The following EYS variants were observed in gnomAD, a reference collection of about 807,000 sequenced individuals.
EYS encodes the protein EGF-like photoreceptor maintenance factor.
EYS carries 250 observed loss-of-function variants against 282.1 expected under a neutral mutation model. The observed-to-expected ratio is 0.89, with a 90% CI of 0.80 to 0.98. The LOEUF is 0.98. EYS is among the 50% of genes least tolerant of loss of function. EYS has a pLI of 0.00. For missense variants in EYS, 4,016 were observed against 3,709.0 expected (o/e 1.08, Z -2.15); for synonymous variants, 1,355 against 1,282.9 (o/e 1.06, Z -1.20).
At position 64,693,608 on chromosome 6, in the gene EYS, T is replaced by C. The variant is rs143883854; in HGVS notation, c.3444-67363A>G. Among the ~76,000 whole-genome samples, 11 of 152,224 alleles carry C rather than the reference T, an allele frequency of 7.2e-5. No individual in the cohort carries two copies. In the East Asian group the frequency reaches 1.9e-3, roughly 27 times the overall value. On this transcript the variant is annotated intron_variant, in intron 22 of 42. Coordinates refer to ENST00000503581, the MANE Select transcript of EYS (RefSeq NM_001142800.2). ...TCACTATGGAGGAAAAAATGAATTT[T>C]GAATCCTCACATCATAGGTAAAATT...
chr6:64,699,461 C>A (rs1412611491), intron 22 of EYS, among the ~76,000 whole-genome samples: 7 of 151,840 alleles, frequency 4.6e-5, no homozygotes, highest in Non-Finnish European at 8.8e-5. Flanking sequence ...TTCATATGTA[C>A]CCCCAAACTT....
chr6:64,313,908 A>G (rs1769828629), intron 29 of EYS, among the ~76,000 whole-genome samples: 3 of 152,140 alleles, frequency 2.0e-5, no homozygotes, highest in South Asian at 4.1e-4. Context: ...AGCCACTGCA[A>G]AAACATACCA....
intron 2 of EYS, among the ~76,000 whole-genome samples, chr6:65,536,724 G>A (rs1026451861): frequency 9.9e-5 from 15 of 151,992 alleles, no homozygotes; most frequent in Admixed American, 1.3e-4. Flanking sequence ...CCTCAACAAA[G>A]AAAAGGATAA....
chr6:64,605,677 C>A (rs1766906927), intron 24 of EYS, among the ~76,000 whole-genome samples: 1 of 151,662 alleles, frequency 6.6e-6, no homozygotes, highest in African/African-American at 2.4e-5. Context: ...ATATCTGATA[C>A]AGAACCCTGA....
chr6:65,705,431 A>G (rs1023918292), intron 1 of EYS, among the ~76,000 whole-genome samples: 10 of 152,100 alleles, frequency 6.6e-5, no homozygotes, highest in African/African-American at 2.4e-4. Context: ...TTATTGTTTT[A>G]AAGATGCTAC....
intron 32 of EYS, among the ~76,000 whole-genome samples, chr6:64,073,253 A>G (rs1255310422): frequency 6.6e-6 from 1 of 151,904 alleles, no homozygotes; most frequent in Non-Finnish European, 1.5e-5. Flanking sequence ...TATTTTTTAC[A>G]AAGGTCAAAG....
chr6:64,641,133 G>T (rs1391607261), intron 22 of EYS, among the ~76,000 whole-genome samples: 1 of 152,168 alleles, frequency 6.6e-6, no homozygotes, highest in Non-Finnish European at 1.5e-5. Context: ...ATTTACAAAA[G>T]AAACAGGTTT....
intron 14 of EYS, among the ~76,000 whole-genome samples, chr6:64,961,769 T>C (rs556500002): frequency 6.6e-6 from 1 of 152,146 alleles, no homozygotes; most frequent in Non-Finnish European, 1.5e-5. Flanking sequence ...TGAGTTGCAA[T>C]TCAGCTTCTG....
At chr6:64,775,374 A>T (rs1451168768) in intron 22 of EYS, among the ~76,000 whole-genome samples, 1 of 151,970 alleles carries the variant, frequency 6.6e-6, no homozygotes, top group African/African-American at 2.4e-5. Flanking sequence ...ATCCTGAGGC[A>T]ATAGGATAGA....
chr6:65,508,393 G>T (rs1394260152), intron 2 of EYS, among the ~76,000 whole-genome samples: 5 of 151,998 alleles, frequency 3.3e-5, no homozygotes, highest in Admixed American at 3.3e-4. Flanking sequence ...TGTTTCTTCT[G>T]CCAGGAGTGG....
rs773705317 is a variant in EYS, at chr6:65,059,582, T to C, written c.2024-1855A>G. On this transcript the variant is annotated intron_variant, in intron 12 of 42. Coordinates refer to ENST00000503581, the MANE Select transcript of EYS (RefSeq NM_001142800.2). ...AGAAAGATAGTCTTGGGTTCCTAAA[T>C]GAACAAGAGGCTTTTAAAGATATTT... Among the ~76,000 whole-genome samples the C allele has an allele frequency of 6.6e-5, 10 of 152,100 alleles. No homozygotes were observed. In the East Asian group the frequency reaches 1.4e-3, roughly 21 times the overall value.
chr6:64,723,803 G>A (rs964191797), intron 22 of EYS, among the ~76,000 whole-genome samples: 5 of 152,224 alleles, frequency 3.3e-5, no homozygotes, highest in South Asian at 2.1e-4. Flanking sequence ...GATCTTCCAT[G>A]GGTTTTGTCA....
intron 22 of EYS, among the ~76,000 whole-genome samples, chr6:64,812,396 T>A (rs1278753049): frequency 2.6e-5 from 4 of 152,008 alleles, no homozygotes; most frequent in Non-Finnish European, 5.9e-5. Context: ...TGTAAGTTAA[T>A]ATTCTTGAAC....
intron 28 of EYS, among the ~76,000 whole-genome samples, chr6:64,404,380 A>AGGGTGT (rs1773636769): frequency 1.1e-5 from 1 of 93,702 alleles, no homozygotes; most frequent in Non-Finnish European, 2.5e-5. Context: ...AGAGTGTGAG[A>AGGGTGT]GTGTGTGTGT....
chr6:65,468,229 G>A (rs1009783718), intron 5 of EYS, among the ~76,000 whole-genome samples: 2 of 152,118 alleles, frequency 1.3e-5, no homozygotes, highest in Non-Finnish European at 2.9e-5. Flanking sequence ...AATCAGAGCC[G>A]AAGCTACAAG....
chr6:64,708,638 C>T (rs1195244040), intron 22 of EYS, among the ~76,000 whole-genome samples: 1 of 152,144 alleles, frequency 6.6e-6, no homozygotes, highest in Non-Finnish European at 1.5e-5. Context: ...AAAAGTCTCC[C>T]TCAAGGGCAA....
chr6:64,585,746 C>A (rs937425923), intron 26 of EYS, among the ~76,000 whole-genome samples: 1 of 152,020 alleles, frequency 6.6e-6, no homozygotes, highest in African/African-American at 2.4e-5. Flanking sequence ...TTATGTGTTA[C>A]AAAAACATAC....
intron 1 of EYS, among the ~76,000 whole-genome samples, chr6:65,704,722 C>A (rs1769815020): frequency 6.6e-6 from 1 of 152,108 alleles, no homozygotes; most frequent in African/African-American, 2.4e-5. Flanking sequence ...TTAGTAAATA[C>A]TATTTTGATC....
chr6:65,488,571 A>G (rs912029904), intron 5 of EYS, among the ~76,000 whole-genome samples: 3 of 152,288 alleles, frequency 2.0e-5, no homozygotes, highest in African/African-American at 7.2e-5. Context: ...TTATAGATTA[A>G]ATGTTATCCC....
Sources: allele counts gnomAD v4.1 joint callset (sites outside exome capture counted in the v4.1 genomes callset), GRCh38; gene constraint gnomAD v4.1.1; transcripts MANE v1.5; gene names NCBI Gene and HGNC (gene_info 2026-07-23, HGNC 2026-07-21).